Variants in LCOR observed in about 807,000 individuals in gnomAD.
LCOR encodes the protein ligand-dependent corepressor.
Under a neutral mutation model 64.4 loss-of-function variants are expected in LCOR, and 14 were observed. The observed-to-expected ratio is 0.22, with a 90% CI of 0.14 to 0.34. The LOEUF is 0.34. Ranked by LOEUF, LCOR falls within the 10% of genes least tolerant of loss-of-function variation. The pLI, the probability that LCOR is intolerant of heterozygous loss-of-function variation, is 1.00. For synonymous variants in LCOR, 643 were observed against 642.5 expected, an observed-to-expected ratio of 1.00 and a Z score of -0.01; for missense variants, 1,686 against 1,765.3, an observed-to-expected ratio of 0.96 and a Z score of 0.80.
intron 2 of LCOR, among the ~76,000 whole-genome samples, chr10:96,841,525 T>A (rs572042913): frequency 9.5e-4 from 144 of 152,168 alleles, no homozygotes; most frequent in African/African-American, 3.3e-3. Context: ...CATGCCCGGC[T>A]AATTTTTGTA....
rs186196054 is a variant in LCOR, at chr10:96,893,007, C to T, written c.-329-14258C>T. 2.7e-3 allele frequency among the ~76,000 whole-genome samples: 407 copies of T among 152,236 alleles called. 1 individual carries two copies. The highest frequency in any genetic ancestry group is 4.5e-3 in the Non-Finnish European group (304 of 68,002). ...CTTATATCAGTTTTGTTCAAGCCCTCCATGACTGATTTTTGTGTTACATAT... is the reference window on the plus strand; with the variant it reads ...CTTATATCAGTTTTGTTCAAGCCCTTCATGACTGATTTTTGTGTTACATAT... On this transcript the variant is annotated intron_variant, in intron 2 of 7. Coordinates refer to ENST00000421806, the MANE Select transcript of LCOR (RefSeq NM_001346516.2).
chr10:96,926,529 A>G (rs1037587726), intron 4 of LCOR, among the ~76,000 whole-genome samples: 4 of 152,142 alleles, frequency 2.6e-5, no homozygotes, highest in African/African-American at 9.7e-5. Flanking sequence ...TATCTTTAAT[A>G]CCCTGAACCT....
chr10:96,920,476 A>ATGTATATTCATATATATGTGTATATATG (rs1213409694), intron 4 of LCOR, among the ~76,000 whole-genome samples: 1 of 141,236 alleles, frequency 7.1e-6, no homozygotes, highest in African/African-American at 2.7e-5. Flanking sequence ...ATGTGTATAT[A>ATGTATATTCATATATATGTGTATATATG]TATGTATATT....
intron 2 of LCOR, among the ~76,000 whole-genome samples, chr10:96,876,798 C>T (rs1243782818): frequency 6.6e-6 from 1 of 152,102 alleles, no homozygotes; most frequent in East Asian, 1.9e-4. Flanking sequence ...CAGTGATTCT[C>T]CTGCCTCAGG....
chr10:96,926,951 G>A (rs1229305092), intron 4 of LCOR, among the ~76,000 whole-genome samples: 1 of 151,964 alleles, frequency 6.6e-6, no homozygotes, highest in African/African-American at 2.4e-5. Context: ...GGACTTTTGA[G>A]TTGTTTCCAG....
intron 4 of LCOR, among the ~76,000 whole-genome samples, chr10:96,923,845 C>G (rs1847122356): frequency 6.6e-6 from 1 of 152,078 alleles, no homozygotes; most frequent in Non-Finnish European, 1.5e-5. Flanking sequence ...CTAAATCTAG[C>G]CCACAGGCTG....
intron 4 of LCOR, among the ~76,000 whole-genome samples, chr10:96,936,833 A>G (rs764798042): frequency 3.3e-5 from 5 of 152,170 alleles, no homozygotes; most frequent in East Asian, 3.8e-4. Flanking sequence ...TATATATACT[A>G]TGTTTTTTTC....
intron 2 of LCOR, among the ~76,000 whole-genome samples, chr10:96,873,179 C>G (rs1180823089): frequency 6.6e-6 from 1 of 152,054 alleles, no homozygotes; most frequent in East Asian, 1.9e-4. Context: ...TTGAATTTAG[C>G]AGAAAGGGAA....
chr10:96,833,565 A>G (rs1416850193), intron 2 of LCOR, 86 bp downstream of exon 2: 2 of 502,370 alleles, frequency 4.0e-6, no homozygotes, highest in East Asian at 3.0e-4. Context: ...GTCCTCCAGC[A>G]TTGTTACTTC....
intron 4 of LCOR, among the ~76,000 whole-genome samples, chr10:96,936,525 C>G (rs978022076): frequency 6.6e-6 from 1 of 152,130 alleles, no homozygotes; most frequent in Non-Finnish European, 1.5e-5. Flanking sequence ...AGTTACTAAT[C>G]ACAAATGAAA....
chr10:96,879,672 T>C (rs1222695737), intron 2 of LCOR, among the ~76,000 whole-genome samples: 1 of 152,212 alleles, frequency 6.6e-6, no homozygotes, highest in Non-Finnish European at 1.5e-5. Flanking sequence ...TTTGTGTTTT[T>C]TTTGCGACAG....
rs574293954 is a variant in LCOR at position 96,835,113 on chromosome 10, C to T, written c.-330+1634C>T. ...ACGGGGTTTCACCATATTGGCCAGGCTGGTCTCGAACTCCTGACCTCATGA... is the reference window on the plus strand; with the variant it reads ...ACGGGGTTTCACCATATTGGCCAGGTTGGTCTCGAACTCCTGACCTCATGA... On this transcript the variant is annotated intron_variant, in intron 2 of 7. Coordinates refer to ENST00000421806, the MANE Select transcript of LCOR (RefSeq NM_001346516.2). 2.0e-5 allele frequency among the ~76,000 whole-genome samples: 3 copies of T among 152,302 alleles called. No homozygotes were observed. The South Asian group carries it at 6.2e-4, about 32-fold the overall frequency.
At chr10:96,887,729 A>G (rs1846368413) in intron 2 of LCOR, among the ~76,000 whole-genome samples, 1 of 149,932 alleles carries the variant, frequency 6.7e-6, no homozygotes, top group Non-Finnish European at 1.5e-5. Context: ...CACCCAGGCT[A>G]TAGTGCAATG....
At chr10:96,958,513 T>A in intron 7 of LCOR, 1 of 777,020 alleles carries the variant, frequency 1.3e-6, no homozygotes, top group Non-Finnish European at 2.2e-6. Context: ...CTGAGAGTTG[T>A]AAATAGTGAA....
intron 2 of LCOR, among the ~76,000 whole-genome samples, chr10:96,846,236 T>C (rs1270990025): frequency 6.6e-6 from 1 of 152,172 alleles, no homozygotes. Flanking sequence ...AATTTTGTTG[T>C]ACTGGCTTTA....
rs1353328876 is a variant in LCOR, at chr10:96,989,691, ATATATTT to A, written c.*4559_*4565del. 2.5e-5 allele frequency: 2 copies of A among 79,568 alleles called. No homozygotes were observed. Among genetic ancestry groups the A allele is most frequent in the African/African-American group, 1.5e-4 (2 of 12,946 alleles). 4.9% of individuals were successfully genotyped at this position (79,568 alleles called of 1,614,324 possible). A position where few individuals can be genotyped will look rare whatever the true frequency, so the allele number is the denominator to read the frequency against. The stretch of plus-strand genomic sequence containing the variant: ...AGGATAAGGATATATATATATATAT[ATATATTT>A]TTTTTTTTTTTTTTTTTTTTTAATA... On this transcript the variant is annotated 3_prime_UTR_variant, in exon 8 of 8. Transcript: ENST00000421806.
chr10:96,920,508 ATG>A (rs1847039451), intron 4 of LCOR, among the ~76,000 whole-genome samples: 3 of 146,534 alleles, frequency 2.0e-5, no homozygotes, highest in African/African-American at 7.5e-5. Context: ...GTATATATGT[ATG>A]TATATTCAGA....
At chr10:96,832,538 C>G (rs1358420905) in intron 1 of LCOR, 139 bp downstream of exon 1, 6 of 188,558 alleles carry the variant, frequency 3.2e-5, no homozygotes, top group African/African-American at 9.7e-5. Context: ...CCCCTTCCCC[C>G]ACCCCCCGGA....
At chr10:96,972,316 CG>C (rs1723111358) in intron 7 of LCOR, among the ~76,000 whole-genome samples, 1 of 151,820 alleles carries the variant, frequency 6.6e-6, no homozygotes, top group African/African-American at 2.4e-5. Context: ...ACCATATATA[CG>C]TTAGATTTTG....
Sources: allele counts gnomAD v4.1 joint callset (sites outside exome capture counted in the v4.1 genomes callset), GRCh38; gene constraint gnomAD v4.1.1; transcripts MANE v1.5; gene names NCBI Gene and HGNC (gene_info 2026-07-23, HGNC 2026-07-21).